Variants in DNAH11 observed in about 807,000 individuals in gnomAD.
DNAH11 encodes axonemal beta dynein heavy chain 11.
A neutral mutation model predicts 526.0 loss-of-function variants in DNAH11; 442 were observed. That is an observed-to-expected ratio of 0.84 (90% confidence interval 0.78 to 0.91). DNAH11 has a LOEUF of 0.91. Among genes scored for constraint, DNAH11 ranks in the 40% least tolerant of loss-of-function variants. DNAH11 has a pLI of 0.00. For missense variants in DNAH11, 6,989 were observed against 5,448.7 expected (o/e 1.28, Z -8.90); for synonymous variants, 2,461 against 1,935.9 (o/e 1.27, Z -7.12).
chr7:21,809,654 C>G (rs946785916), intron 63 of DNAH11, among the ~76,000 whole-genome samples: 2 of 152,024 alleles, frequency 1.3e-5, no homozygotes, highest in African/African-American at 2.4e-5. Context: ...ACCTCCGCCC[C>G]CGAGGTTCAA....
intron 30 of DNAH11, among the ~76,000 whole-genome samples, chr7:21,676,562 C>CAGCA (rs1562747249): frequency 6.6e-6 from 1 of 152,156 alleles, no homozygotes; most frequent in Admixed American, 6.5e-5. Context: ...ATAAGATCCC[C>CAGCA]AGCATATGAT....
intron 36 of DNAH11, among the ~76,000 whole-genome samples, chr7:21,701,909 G>A (rs555100014): frequency 6.6e-6 from 1 of 151,880 alleles, no homozygotes; most frequent in South Asian, 2.1e-4. Context: ...GGTTGTTACT[G>A]TGTGGGTTGT....
chr7:21,560,655 G>C (rs532963468), intron 4 of DNAH11, among the ~76,000 whole-genome samples: 22 of 152,290 alleles, frequency 1.4e-4, no homozygotes, highest in African/African-American at 5.1e-4. Flanking sequence ...TCTCCTGCCT[G>C]CTCTATTCTT....
intron 28 of DNAH11, among the ~76,000 whole-genome samples, chr7:21,650,069 T>A (rs1787557723): frequency 1.3e-5 from 2 of 152,172 alleles, no homozygotes; most frequent in Non-Finnish European, 2.9e-5. Flanking sequence ...TCTGCATATA[T>A]GTATTGCAAT....
chr7:21,857,100 C>G (rs1443211139), intron 68 of DNAH11, among the ~76,000 whole-genome samples: 3 of 152,082 alleles, frequency 2.0e-5, no homozygotes, highest in Admixed American at 6.5e-5. Flanking sequence ...CCTGCCAGGA[C>G]TAAGAAGTGA....
intron 45 of DNAH11, among the ~76,000 whole-genome samples, chr7:21,734,629 G>C (rs1263853378): frequency 1.3e-5 from 2 of 152,188 alleles, no homozygotes; most frequent in East Asian, 3.9e-4. Context: ...GGCTGAGGCA[G>C]GTGATCACTT....
rs531840083 is a variant in DNAH11 at position 21,543,180 on chromosome 7, C to G, written c.-66C>G. 459 of 1,450,794 alleles carry G rather than the reference C, an allele frequency of 3.2e-4. No individual in the cohort carries two copies. In the African/African-American group the frequency reaches 4.2e-3, roughly 13 times the overall value. 89.9% of individuals were successfully genotyped at this position (1,450,794 alleles called of 1,614,324 possible). A position where few individuals can be genotyped will look rare whatever the true frequency, so the allele number is the denominator to read the frequency against. ...GCGCCTGCGGAGGTGTCCTCGCTCA[C>G]TTCGGGGGGCCCAGAGTCTCGGGTG... On this transcript the variant is annotated 5_prime_UTR_variant, in exon 1 of 82. Transcript: ENST00000409508.
rs1219891463 is a variant in DNAH11 at position 21,749,765 on chromosome 7, A to G, written c.8761A>G (p.Ser2921Gly). Residue 2921 changes from serine (S) to glycine (G), a missense_variant, in exon 53 of 82, where the codon AGC becomes GGC. Physicochemically the swap from Ser to Gly is moderately conservative, Grantham distance 56 (BLOSUM62 0). Coordinates refer to ENST00000409508, the MANE Select transcript of DNAH11 (RefSeq NM_001277115.2). ...LLTDAQVLDE[S>G]FLVLINDLLA... ...GACAGATGCCCAGGTTCTAGATGAG[A>G]GCTTCCTCGTGCTGATTAATGACTT... The G allele has an allele frequency of 6.2e-7, 1 of 1,613,944 alleles. No individual in the cohort carries two copies. The highest frequency in any genetic ancestry group is 1.1e-5 in the South Asian group (1 of 91,074).
intron 65 of DNAH11, among the ~76,000 whole-genome samples, chr7:21,840,056 T>C: frequency 6.6e-6 from 1 of 152,212 alleles, no homozygotes; most frequent in Non-Finnish European, 1.5e-5. Context: ...AGAGGCACTT[T>C]CCTTACCATA....
At chr7:21,550,697 T>C (rs1243762664) in intron 2 of DNAH11, among the ~76,000 whole-genome samples, 1 of 152,178 alleles carries the variant, frequency 6.6e-6, no homozygotes, top group Non-Finnish European at 1.5e-5. Flanking sequence ...TTAACACCCT[T>C]GAGGTAAAGT....
intron 56 of DNAH11, among the ~76,000 whole-genome samples, chr7:21,777,790 A>G (rs555276099): frequency 6.6e-6 from 1 of 152,324 alleles, no homozygotes; most frequent in African/African-American, 2.4e-5. Context: ...TTAATCTATA[A>G]TAGTACAAGT....
chr7:21,805,253 C>T (rs533944631), intron 62 of DNAH11, among the ~76,000 whole-genome samples: 2 of 152,268 alleles, frequency 1.3e-5, no homozygotes, highest in East Asian at 1.9e-4. Flanking sequence ...ATTGCATGAA[C>T]GTAGTTGTCC....
At chr7:21,822,619 G>A (rs1414635023) in intron 65 of DNAH11, among the ~76,000 whole-genome samples, 1 of 152,178 alleles carries the variant, frequency 6.6e-6, no homozygotes, top group Non-Finnish European at 1.5e-5. Flanking sequence ...GCAATATACT[G>A]ATTTCATTTA....
intron 42 of DNAH11, among the ~76,000 whole-genome samples, chr7:21,717,569 T>A (rs1387599380): frequency 6.6e-6 from 1 of 152,154 alleles, no homozygotes; most frequent in African/African-American, 2.4e-5. Flanking sequence ...TCTTTTACAG[T>A]CTTTTCATTA....
chr7:21,708,521 G>A (rs919520712), intron 40 of DNAH11, among the ~76,000 whole-genome samples: 8 of 152,138 alleles, frequency 5.3e-5, no homozygotes, highest in Non-Finnish European at 8.8e-5. Flanking sequence ...GCAGACAGAG[G>A]GGCTTCAAAT....
chr7:21,655,784 T>C, intron 28 of DNAH11, 48 bp from the exon 29 acceptor site: 7 of 1,552,250 alleles, frequency 4.5e-6, no homozygotes, highest in Non-Finnish European at 6.2e-6. Flanking sequence ...TATCAGAATA[T>C]ACCTACAGTA....
At chr7:21,884,996 C>T (rs1784071275) in intron 76 of DNAH11, among the ~76,000 whole-genome samples, 1 of 151,606 alleles carries the variant, frequency 6.6e-6, no homozygotes, top group Non-Finnish European at 1.5e-5. Context: ...CTGATTTAAC[C>T]ATTCCACGAT....
chr7:21,574,564 CTT>C (rs35535321), intron 8 of DNAH11, among the ~76,000 whole-genome samples: 4,974 of 123,678 alleles, frequency 0.04, 93 homozygotes, highest in South Asian at 0.06. Flanking sequence ...CCCTTCCTTC[CTT>C]TTTTTTTTTT....
chr7:21,784,563 T>C, intron 58 of DNAH11, 23 bp downstream of exon 58: 1 of 1,529,786 alleles, frequency 6.5e-7, no homozygotes, highest in Admixed American at 1.9e-5. Context: ...TATTGGTCCC[T>C]GAGTTTCCTC....
Sources: allele counts gnomAD v4.1 joint callset (sites outside exome capture counted in the v4.1 genomes callset), GRCh38; gene constraint gnomAD v4.1.1; transcripts MANE v1.5; gene names NCBI Gene and HGNC (gene_info 2026-07-23, HGNC 2026-07-21).